PRRC2A: variants seen among roughly 807,000 people sequenced by gnomAD.
PRRC2A encodes protein PRRC2A.
Under a neutral mutation model 224.6 loss-of-function variants are expected in PRRC2A, and 59 were observed. The observed-to-expected ratio is 0.26, with a 90% confidence interval of 0.21 to 0.33. The LOEUF is 0.33. Among genes scored for constraint, PRRC2A ranks in the 10% least tolerant of loss-of-function variants. The pLI is 1.00. For synonymous variants in PRRC2A, 1,194 were observed against 1,109.5 expected (o/e 1.08, Z -1.51); for missense variants, 3,095 against 2,880.7 (o/e 1.07, Z -1.70).
chr6:31,630,749 C>A lies in PRRC2A; in HGVS notation c.2413C>A (p.Pro805Thr). ...CACCGCCACACCCGCTGAACCCCGC[C>A]CACTTACCTCACCTCTGCGCCAGGC... ...VFTATPAEPR[P>T]LTSPLRQAAD... The change falls in exon 15 of 31, where the codon CCA becomes ACA. Residue 805 changes from proline (P) to threonine (T), a missense_variant. Physicochemically the swap from Pro to Thr is conservative, Grantham distance 38. Transcript: ENST00000376033. 1 of 1,614,158 alleles carries A rather than the reference C, an allele frequency of 6.2e-7. No homozygotes were observed. Among genetic ancestry groups the A allele is most frequent in the Non-Finnish European group, 8.5e-7 (1 of 1,180,034 alleles).
In PRRC2A at chr6:31,627,740, C is replaced by A; in HGVS notation, c.1291-25C>A. 1 of 1,607,100 alleles carries A rather than the reference C, an allele frequency of 6.2e-7. No individual in the cohort carries two copies. Among genetic ancestry groups the A allele is most frequent in the Non-Finnish European group, 8.5e-7 (1 of 1,176,040 alleles). On this transcript the variant is annotated intron_variant, in intron 11 of 30. Transcript: ENST00000376033. This position sits in a 1 kb window ranked among gnomAD's most constrained non-coding sequence, Gnocchi z 5.6. Reference sequence around the variant, plus strand: ...AAGCATAGTAACTGATTCCCCTGGCCCTGCTGGGTCTTGCCAATTGACAGG... The same window carrying A: ...AAGCATAGTAACTGATTCCCCTGGCACTGCTGGGTCTTGCCAATTGACAGG...
At chr6:31,630,502 G>A in intron 14 of PRRC2A, 89 bp from the exon 15 acceptor site, 2 of 1,346,636 alleles carry the variant, frequency 1.5e-6, no homozygotes, top group Non-Finnish European at 2.1e-6. Flanking sequence ...AGATGGAAGA[G>A]CTGACTTGAC....
At chr6:31,634,090 T>C (rs1396829520) in intron 18 of PRRC2A, 101 bp downstream of exon 18, 2 of 1,575,492 alleles carry the variant, frequency 1.3e-6, no homozygotes, top group East Asian at 2.2e-5. Flanking sequence ...TTTCACTGTG[T>C]TTTTACTCCA....
chr6:31,632,730 ACTC>A lies in PRRC2A; in HGVS notation c.4060_4062del (p.Pro1354del). On this transcript the variant is annotated inframe_deletion, in exon 16 of 31. Transcript: ENST00000376033. The stretch of plus-strand genomic sequence containing the variant: ...ACTGCTGACACCCAAGGCTGTGGGA[ACTC>A]CTGGGGGAGGTGGAGGTGGAGCCGT... 6.2e-7 allele frequency: 1 copy of A among 1,612,948 alleles called. No homozygotes were observed. Among genetic ancestry groups the A allele is most frequent in the Non-Finnish European group, 8.5e-7 (1 of 1,179,988 alleles).
Position 31,632,148 on chromosome 6 carries a change from C to T in PRRC2A, c.3475C>T (p.Arg1159Ter). The change falls in exon 16 of 31, where the codon CGA (arginine) becomes TGA (stop). Residue 1159 changes from arginine (R) to a stop codon, truncating the protein, a stop_gained. Coordinates refer to ENST00000376033, the MANE Select transcript of PRRC2A (RefSeq NM_004638.4). LOFTEE classifies it high-confidence loss of function. Reference sequence around the variant, plus strand: ...AGCCCGCTTCACTGCCCGGGGTGGGCGAGTCTTCACTCCCAGAGGGGTGCC... The same window carrying T: ...AGCCCGCTTCACTGCCCGGGGTGGGTGAGTCTTCACTCCCAGAGGGGTGCC... ...APARFTARGG[R>*]VFTPRGVPSR... 6.4e-7 allele frequency: 1 copy of T among 1,565,836 alleles called. No homozygotes were observed. The highest frequency in any genetic ancestry group is 8.6e-7 in the Non-Finnish European group (1 of 1,156,448).
Position 31,637,548 on chromosome 6 carries a change from C to T in PRRC2A, c.6436C>T (p.Arg2146Ter), listed in dbSNP as rs1039008858. ...CCGACGGGCAGAGGAGCCTGGGTCC[C>T]GAGGGGACAAGGAGCCTGGGTTGCC... ...PSRRAEEPGS[R>*]GDKEPGLPPP... The change falls in exon 31 of 31, where the codon CGA (arginine) becomes TGA (stop). Residue 2146 changes from arginine (R) to a stop codon, truncating the protein, a stop_gained. Transcript: ENST00000376033. LOFTEE classifies it high-confidence loss of function. The T allele has an allele frequency of 5.0e-6, 8 of 1,592,268 alleles. No individual in the cohort carries two copies. The highest frequency in any genetic ancestry group is 2.3e-5 in the South Asian group (2 of 88,742).
Position 31,635,581 on chromosome 6 carries a change from G to A in PRRC2A, c.5374-1G>A. On this transcript the variant is annotated splice_acceptor_variant, in intron 23 of 30. Coordinates refer to ENST00000376033, the MANE Select transcript of PRRC2A (RefSeq NM_004638.4). LOFTEE classifies it high-confidence loss of function. ...CTCTCCACGAGGCCTCTCCTTCCCA[G>A]GCCATTCCTGTATCACGAGACTGGG... The A allele has an allele frequency of 6.2e-7, 1 of 1,611,076 alleles. No individual in the cohort carries two copies. The highest frequency in any genetic ancestry group is 8.5e-7 in the Non-Finnish European group (1 of 1,178,722).
At chr6:31,634,451 G>A in intron 19 of PRRC2A, 21 bp from the exon 20 acceptor site, 1 of 1,612,782 alleles carries the variant, frequency 6.2e-7, no homozygotes, top group Non-Finnish European at 8.5e-7. Flanking sequence ...CTTCTCTTCT[G>A]GTTGGTGCTC....
chr6:31,629,368 T>A (rs781158860), intron 13 of PRRC2A, 34 bp downstream of exon 13: 1 of 1,531,332 alleles, frequency 6.5e-7, no homozygotes, highest in Non-Finnish European at 8.8e-7. Flanking sequence ...TAAGGGCTGC[T>A]TTTCTTCCTG....
At position 31,632,013 on chromosome 6, in the gene PRRC2A, G is replaced by C; in HGVS notation, c.3340G>C (p.Glu1114Gln). 1 of 1,609,110 alleles carries C rather than the reference G, an allele frequency of 6.2e-7. No homozygotes were observed. Among genetic ancestry groups the C allele is most frequent in the Non-Finnish European group, 8.5e-7 (1 of 1,177,522 alleles). The change falls in exon 16 of 31, where the codon GAG becomes CAG. Residue 1114 changes from glutamate (E) to glutamine (Q), a missense_variant. Transcript: ENST00000376033. ...CTCAGAAACAGGCAGCGAGACCCAT[G>C]AGAGTGATCTGGCTCCTTCAGACAA... ...RGSETGSETH[E>Q]SDLAPSDKEA...
intron 1 of PRRC2A, among the ~76,000 whole-genome samples, 166 bp downstream of exon 1, chr6:31,621,024 C>G (rs907877085): frequency 6.6e-6 from 1 of 152,190 alleles, no homozygotes. Flanking sequence ...CCCTCCCCCT[C>G]CGGTACCTCT....
Position 31,627,030 on chromosome 6 carries a change from T to C in PRRC2A, c.1122T>C (p.Asp374=). 6.2e-7 allele frequency: 1 copy of C among 1,614,140 alleles called. No individual in the cohort carries two copies. Among genetic ancestry groups the C allele is most frequent in the Non-Finnish European group, 8.5e-7 (1 of 1,180,014 alleles). ...GTGAGGAACGGCCCCCTGAAGCAGA[T>C]GGCAAAAAGGGCAACTCCCCCAACA... is the stretch of plus-strand genomic sequence containing the variant. ...ASGEERPPEA[D]GKKGNSPNSE... Residue 374 remains aspartate, a synonymous_variant, in exon 11 of 31, where the codon GAT becomes GAC. Coordinates refer to ENST00000376033, the MANE Select transcript of PRRC2A (RefSeq NM_004638.4). The surrounding 1 kb of genome is among the most constrained non-coding windows in gnomAD (Gnocchi z 5.6).
chr6:31,626,330 A>C (rs1406103950), intron 9 of PRRC2A, among the ~76,000 whole-genome samples, 168 bp downstream of exon 9: 1 of 152,004 alleles, frequency 6.6e-6, no homozygotes, highest in Non-Finnish European at 1.5e-5. Context: ...AGGTGAGAGG[A>C]TCGCTTGAAG....
chr6:31,631,777 G>T lies in PRRC2A; in HGVS notation c.3104G>T (p.Gly1035Val). 10 of 1,551,298 alleles carry T rather than the reference G, an allele frequency of 6.4e-6. No homozygotes were observed. The highest frequency in any genetic ancestry group is 8.7e-6 in the Non-Finnish European group (10 of 1,147,468). Residue 1035 changes from glycine (G) to valine (V), a missense_variant, in exon 16 of 31, where the codon GGG becomes GTG. This residue lies in a region of PRRC2A where 2,001 missense variants were observed against 1,764.9 expected (regional missense o/e 1.13). Coordinates refer to ENST00000376033, the MANE Select transcript of PRRC2A (RefSeq NM_004638.4). The surrounding 1 kb of genome is among the most constrained non-coding windows in gnomAD (Gnocchi z 4.5). ...GGCCGAGGCGAGTATTTTGCCAGAG[G>T]GAGGGGTTTTCGGGGGACCTATGGG... ...GRGRGEYFAR[G>V]RGFRGTYGGR...
Position 31,625,525 on chromosome 6 carries a change from C to T in PRRC2A, c.673C>T (p.Leu225Phe). The change falls in exon 7 of 31, where the codon CTT (leucine) becomes TTT (phenylalanine). Residue 225 changes from leucine (L) to phenylalanine (F), a missense_variant. Physicochemically the swap from Leu to Phe is conservative, Grantham distance 22. Around this residue, in one of 8 missense-constraint regions of PRRC2A, gnomAD observed 287 missense variants for 275.3 expected, o/e 1.04. Coordinates refer to ENST00000376033, the MANE Select transcript of PRRC2A (RefSeq NM_004638.4). The surrounding 1 kb of genome is among the most constrained non-coding windows in gnomAD (Gnocchi z 4.1). Reference protein sequence around the residue: ...PDELEGPDSKLHHGHDPRGGL... With the variant: ...PDELEGPDSKFHHGHDPRGGL... ...TGAGCTGGAGGGCCCGGACTCCAAACTTCATCATGGTCATGATCCCCGGGG... is the reference window on the plus strand; with the variant it reads ...TGAGCTGGAGGGCCCGGACTCCAAATTTCATCATGGTCATGATCCCCGGGG... 1 of 1,581,190 alleles carries T rather than the reference C, an allele frequency of 6.3e-7. No homozygotes were observed. The highest frequency in any genetic ancestry group is 8.6e-7 in the Non-Finnish European group (1 of 1,160,158).
chr6:31,624,801 C>CA, intron 5 of PRRC2A: 1 of 541,232 alleles, frequency 1.8e-6, no homozygotes, highest in Non-Finnish European at 3.3e-6. Flanking sequence ...CAGAGCCTTC[C>CA]ACTTTTTTTT....
intron 2 of PRRC2A, 128 bp from the exon 3 acceptor site, chr6:31,623,604 C>G (rs1026665915): frequency 1.9e-6 from 2 of 1,073,346 alleles, no homozygotes; most frequent in Non-Finnish European, 2.7e-6. Flanking sequence ...GGAAGGAATC[C>G]CTTCTAAGAG....
At chr6:31,622,170 T>C (rs1775365296) in intron 1 of PRRC2A, among the ~76,000 whole-genome samples, 1 of 152,138 alleles carries the variant, frequency 6.6e-6, no homozygotes, top group Admixed American at 6.5e-5. Flanking sequence ...GCTCATAAAA[T>C]CCTTAAACTC....
In PRRC2A at chr6:31,631,470, A is replaced by C; in HGVS notation, c.2797A>C (p.Ser933Arg). 3.7e-6 allele frequency: 6 copies of C among 1,610,368 alleles called. No individual in the cohort carries two copies. The highest frequency in any genetic ancestry group is 5.1e-6 in the Non-Finnish European group (6 of 1,178,780). Residue 933 changes from serine (S) to arginine (R), a missense_variant, in exon 16 of 31, where the codon AGT (serine) becomes CGT (arginine). Physicochemically the swap from Ser to Arg is moderately radical, Grantham distance 110. This residue lies in a region of PRRC2A where 2,001 missense variants were observed against 1,764.9 expected (regional missense o/e 1.13). Coordinates refer to ENST00000376033, the MANE Select transcript of PRRC2A (RefSeq NM_004638.4). This position sits in a 1 kb window ranked among gnomAD's most constrained non-coding sequence, Gnocchi z 4.5. ...CCGCTGGGGCCCTCGTCCAGGGAGC[A>C]GTCGTCGTGGAATCCCTCCAGAGGA... Reference protein sequence around the residue: ...ETRWGPRPGSSRRGIPPEEPG... With the variant: ...ETRWGPRPGSRRRGIPPEEPG...
Sources: allele counts gnomAD v4.1 joint callset (sites outside exome capture counted in the v4.1 genomes callset), GRCh38; gene constraint gnomAD v4.1.1; regional missense constraint gnomAD v4.1.1; non-coding constraint Gnocchi (gnomAD v3.1); transcripts MANE v1.5; gene names NCBI Gene and HGNC (gene_info 2026-07-23, HGNC 2026-07-21).